ARK2C: variants seen among roughly 807,000 people sequenced by gnomAD.
ARK2C encodes arkadia (RNF111) C-terminal like ring finger ubiquitin ligase 2C.
At chr18:46,447,206 C>A in the ARK2C span, among the ~76,000 whole-genome samples, 2 of 152,198 alleles carry the variant, frequency 1.3e-5, no homozygotes, top group Non-Finnish European at 2.9e-5. Flanking sequence ...CCACTTTTAT[C>A]TGAACCTTGT....
chr18:46,420,669 A>AC, the ARK2C span, among the ~76,000 whole-genome samples: 4 of 152,002 alleles, frequency 2.6e-5, no homozygotes, highest in Non-Finnish European at 5.9e-5. Context: ...ACATGGTGAA[A>AC]CCCCATCTCT....
the ARK2C span, chr18:46,335,801 A>T: frequency 4.3e-6 from 3 of 690,094 alleles, no homozygotes; most frequent in Non-Finnish European, 5.4e-6. Flanking sequence ...TGGCCCCCTT[A>T]GGCCTGTTTG....
At chr18:46,347,056 C>T in the ARK2C span, among the ~76,000 whole-genome samples, 7 of 152,124 alleles carry the variant, frequency 4.6e-5, no homozygotes, top group South Asian at 2.1e-4. Flanking sequence ...TCTTAGCGCA[C>T]GGGATGGGGA....
At chr18:46,435,355 G>A in the ARK2C span, 1 of 1,614,126 alleles carries the variant, frequency 6.2e-7, no homozygotes, top group Non-Finnish European at 8.5e-7. Flanking sequence ...TCGGCCAACT[G>A]CAGACACCTC....
chr18:46,420,892 C>T, the ARK2C span, among the ~76,000 whole-genome samples: 144,798 of 152,228 alleles, frequency 0.95, 69,298 homozygotes, highest in East Asian at 1. Flanking sequence ...ATTTGCTTTT[C>T]TGCTTTTAAT....
At chr18:46,395,536 A>T in the ARK2C span, among the ~76,000 whole-genome samples, 3 of 152,176 alleles carry the variant, frequency 2.0e-5, no homozygotes, top group African/African-American at 7.2e-5. Context: ...TCTTTGCTTT[A>T]AGGATGAGTT....
the ARK2C span, among the ~76,000 whole-genome samples, chr18:46,390,571 G>C: frequency 6.6e-6 from 1 of 151,888 alleles, no homozygotes; most frequent in Non-Finnish European, 1.5e-5. Context: ...CCAGCTTTGT[G>C]TGAAAAAAAA....
the ARK2C span, among the ~76,000 whole-genome samples, chr18:46,439,824 T>G: frequency 1.3e-4 from 20 of 152,228 alleles, no homozygotes; most frequent in Non-Finnish European, 1.5e-5. Context: ...GTTTTGTTTT[T>G]GTTTTGTTTG....
chr18:46,337,084 C>T, the ARK2C span: 10 of 985,384 alleles, frequency 1.0e-5, no homozygotes, highest in Non-Finnish European at 1.2e-5. Context: ...TGCTGCTCGC[C>T]AGCCAGACCT....
At chr18:46,405,346 G>A in the ARK2C span, among the ~76,000 whole-genome samples, 2 of 152,268 alleles carry the variant, frequency 1.3e-5, no homozygotes, top group South Asian at 2.1e-4. Flanking sequence ...AGCTCTGCAG[G>A]TCCACAGGGC....
chr18:46,433,080 T>C, the ARK2C span: 2 of 728,464 alleles, frequency 2.7e-6, no homozygotes, highest in Non-Finnish European at 4.4e-6. Context: ...TGTGTCCTAA[T>C]GTAGGTCTTG....
chr18:46,443,765 A>G, the ARK2C span, among the ~76,000 whole-genome samples: 2 of 152,334 alleles, frequency 1.3e-5, no homozygotes, highest in East Asian at 3.9e-4. Context: ...TCTCTGCTTT[A>G]AACAGTCAAC....
At chr18:46,363,950 T>C in the ARK2C span, among the ~76,000 whole-genome samples, 38 of 145,836 alleles carry the variant, frequency 2.6e-4, no homozygotes, top group South Asian at 4.5e-4. Context: ...CTTTTCTTTT[T>C]TTTTTTTTTT....
chr18:46,434,682 C>T, the ARK2C span, among the ~76,000 whole-genome samples: 30 of 152,340 alleles, frequency 2.0e-4, no homozygotes, highest in African/African-American at 7.2e-4. Context: ...ACTTTCAGAA[C>T]TGCTGGACTA....
At chr18:46,369,215 G>C in the ARK2C span, among the ~76,000 whole-genome samples, 111 of 152,292 alleles carry the variant, frequency 7.3e-4, no homozygotes, top group African/African-American at 2.6e-3. Context: ...GCAACGTGTG[G>C]TTGTTTCCAG....
chr18:46,341,337 T>TG, the ARK2C span, among the ~76,000 whole-genome samples: 1 of 62,436 alleles, frequency 1.6e-5, no homozygotes, highest in Admixed American at 1.9e-4. Flanking sequence ...GGGACAGGCG[T>TG]GGGGGGTAGG....
the ARK2C span, among the ~76,000 whole-genome samples, chr18:46,348,461 C>T: frequency 2.6e-5 from 4 of 152,204 alleles, no homozygotes; most frequent in South Asian, 6.2e-4. Context: ...GCTGAGGGTA[C>T]AAGAAAGTGA....
chr18:46,450,387 G>A, the ARK2C span: 20 of 1,611,234 alleles, frequency 1.2e-5, no homozygotes, highest in African/African-American at 5.3e-5. Flanking sequence ...TCCGCCGTAC[G>A]GGAGAGCTAT....
the ARK2C span, among the ~76,000 whole-genome samples, chr18:46,438,874 T>C: frequency 7.2e-5 from 11 of 152,220 alleles, no homozygotes; most frequent in Non-Finnish European, 1.6e-4. Flanking sequence ...ATTTTCTCAT[T>C]TGATGCTCCA....
Sources: gnomAD v4.1 joint callset for allele counts (sites outside exome capture counted in the v4.1 genomes callset) on GRCh38, gnomAD v4.1.1 for gene constraint, MANE v1.5 for transcripts, NCBI Gene and HGNC (gene_info 2026-07-23, HGNC 2026-07-21) for gene names.